PTPRD: variants seen among roughly 807,000 people sequenced by gnomAD.
PTPRD encodes protein tyrosine phosphatase receptor type D, also known as receptor-type tyrosine-protein phosphatase delta.
Under a neutral mutation model 214.5 loss-of-function variants are expected in PTPRD, and 34 were observed. That is an observed-to-expected ratio of 0.16 (90% CI 0.12 to 0.21). The LOEUF is 0.21. Among genes scored for constraint, PTPRD ranks in the 10% least tolerant of loss-of-function variants. The probability of loss-of-function intolerance (pLI) is 1.00; values close to 1 mark genes in which losing one functional copy is unlikely to be tolerated. For synonymous variants in PTPRD, 1,128 were observed against 845.7 expected (o/e 1.33, Z -5.79); for missense variants, 2,545 against 2,398.7 (o/e 1.06, Z -1.27).
chr9:9,449,417 TA>T (rs35932793), intron 8 of PTPRD, among the ~76,000 whole-genome samples: 129,380 of 151,610 alleles, frequency 0.85, 55,329 homozygotes, highest in Middle Eastern at 0.94. Flanking sequence ...GCTATATATA[TA>T]TTTTTAAGCT....
In PTPRD at chr9:9,358,545, A is replaced by G. The variant is rs73393062; in HGVS notation, c.-203+38904T>C. Among the ~76,000 whole-genome samples, 2 of 151,356 alleles carry G rather than the reference A, an allele frequency of 1.3e-5. 1 individual carries two copies. Among genetic ancestry groups the G allele is most frequent in the East Asian group, 3.9e-4 (2 of 5,126 alleles). On this transcript the variant is annotated intron_variant, in intron 9 of 45. Transcript: ENST00000381196. ...AAATGAATGTCATATTTTTGCCTTTACAGAGAATCAATTAAGTTGCAATCC... is the reference window on the plus strand; with the variant it reads ...AAATGAATGTCATATTTTTGCCTTTGCAGAGAATCAATTAAGTTGCAATCC...
At chr9:10,433,497 A>G (rs2154521334) in intron 2 of PTPRD, among the ~76,000 whole-genome samples, 2 of 152,060 alleles carry the variant, frequency 1.3e-5, no homozygotes, top group South Asian at 4.1e-4. Flanking sequence ...CATTTCAGTT[A>G]CGTATATTAC....
chr9:9,668,988 A>G lies in PTPRD; in HGVS notation c.-287+65545T>C, dbSNP rs540072862. Among the ~76,000 whole-genome samples the G allele has an allele frequency of 2.9e-3, 445 of 152,290 alleles. 2 individuals carry two copies. The highest frequency in any genetic ancestry group is 0.01 in the African/African-American group (420 of 41,568). ...TACTGTAGTGGGAAAAAAAAGTGAAACAGTAAATTAATAGCAGATTGTTTC... is the reference window on the plus strand; with the variant it reads ...TACTGTAGTGGGAAAAAAAAGTGAAGCAGTAAATTAATAGCAGATTGTTTC... On this transcript the variant is annotated intron_variant, in intron 7 of 45. Transcript: ENST00000381196.
At chr9:10,056,514 T>C (rs1452005200) in intron 3 of PTPRD, among the ~76,000 whole-genome samples, 1 of 152,140 alleles carries the variant, frequency 6.6e-6, no homozygotes, top group Non-Finnish European at 1.5e-5. Context: ...ACAAACATTT[T>C]ACTCTGTTCT....
At chr9:8,392,552 T>C (rs1360111548) in intron 36 of PTPRD, among the ~76,000 whole-genome samples, 5 of 152,092 alleles carry the variant, frequency 3.3e-5, no homozygotes, top group Non-Finnish European at 7.4e-5. Context: ...ATTAATATTC[T>C]GAAAAATACG....
chr9:8,384,281 T>G (rs901849085), intron 37 of PTPRD, among the ~76,000 whole-genome samples: 1 of 152,162 alleles, frequency 6.6e-6, no homozygotes, highest in African/African-American at 2.4e-5. Context: ...ATTCGTGTGC[T>G]TATTGGCATG....
At chr9:9,961,535 G>A (rs990314734) in intron 4 of PTPRD, among the ~76,000 whole-genome samples, 3 of 152,112 alleles carry the variant, frequency 2.0e-5, no homozygotes, top group Non-Finnish European at 4.4e-5. Context: ...AAATGGAGCT[G>A]GCTATATAGC....
At chr9:10,141,425 A>G (rs1235576000) in intron 3 of PTPRD, among the ~76,000 whole-genome samples, 8 of 152,062 alleles carry the variant, frequency 5.3e-5, no homozygotes, top group African/African-American at 1.4e-4. Context: ...AAATCAATGT[A>G]CAAAAATCAC....
At chr9:8,846,493 G>A (rs978656250) in intron 11 of PTPRD, among the ~76,000 whole-genome samples, 11 of 152,244 alleles carry the variant, frequency 7.2e-5, no homozygotes, top group Admixed American at 4.6e-4. Flanking sequence ...AATTTATTCG[G>A]TATTCTTTTA....
intron 11 of PTPRD, among the ~76,000 whole-genome samples, chr9:8,970,185 G>C (rs897721378): frequency 6.6e-6 from 1 of 151,940 alleles, no homozygotes; most frequent in African/African-American, 2.4e-5. Context: ...ATTTGAGCAT[G>C]AGTGTTCTTG....
chr9:8,317,706 G>T lies in PTPRD; in HGVS notation c.*168C>A. On this transcript the variant is annotated 3_prime_UTR_variant, in exon 46 of 46. Transcript: ENST00000381196. ...TTAGATTATTAAACTGTGAATTCTT[G>T]GTCCACCTGGAATAATTTGTTTTTA... 1.9e-6 allele frequency: 1 copy of T among 527,334 alleles called. No homozygotes were observed. The highest frequency in any genetic ancestry group is 3.5e-6 in the Non-Finnish European group (1 of 287,388). 32.7% of individuals were successfully genotyped at this position (527,334 alleles called of 1,614,324 possible). A position where few individuals can be genotyped will look rare whatever the true frequency, so the allele number is the denominator to read the frequency against.
intron 10 of PTPRD, among the ~76,000 whole-genome samples, chr9:9,142,227 T>C (rs1049131824): frequency 5.9e-5 from 9 of 152,128 alleles, no homozygotes; most frequent in Non-Finnish European, 1.2e-4. Context: ...AGCAAGCAGG[T>C]GTGCTGGCGC....
At chr9:8,410,675 A>G (rs928817545) in intron 35 of PTPRD, among the ~76,000 whole-genome samples, 3 of 152,322 alleles carry the variant, frequency 2.0e-5, no homozygotes, top group African/African-American at 4.8e-5. Context: ...GAAGTCATCA[A>G]AAAGTGTTTC....
At chr9:8,376,926 G>T (rs1468063486) in intron 37 of PTPRD, among the ~76,000 whole-genome samples, 200 bp from the exon 38 acceptor site, 1 of 152,068 alleles carries the variant, frequency 6.6e-6, no homozygotes, top group African/African-American at 2.4e-5. Context: ...AAACTGGTAG[G>T]AATACTAAAC....
At chr9:9,528,653 A>G (rs1449357856) in intron 8 of PTPRD, among the ~76,000 whole-genome samples, 1 of 152,124 alleles carries the variant, frequency 6.6e-6, no homozygotes, top group Non-Finnish European at 1.5e-5. Flanking sequence ...AAATCACTCC[A>G]AGAAGTATTG....
At position 10,094,001 on chromosome 9, in the gene PTPRD, G is replaced by A. The variant is rs144471016; in HGVS notation, c.-544-60211C>T. Among the ~76,000 whole-genome samples the A allele has an allele frequency of 4.3e-3, 652 of 151,202 alleles. 4 individuals carry two copies. The highest frequency in any genetic ancestry group is 0.015 in the African/African-American group (603 of 41,334). ...TATAGGGTACTATGCTCACTACCTG[G>A]GTGATAGGATCATCTGTACCCCAAA... On this transcript the variant is annotated intron_variant, in intron 3 of 45. Coordinates refer to ENST00000381196, the MANE Select transcript of PTPRD (RefSeq NM_002839.4).
intron 3 of PTPRD, among the ~76,000 whole-genome samples, chr9:10,206,624 A>C (rs1366728882): frequency 2.0e-5 from 3 of 152,198 alleles, no homozygotes; most frequent in Non-Finnish European, 4.4e-5. Context: ...ATTATATCTC[A>C]ACTAAGGTGG....
At chr9:8,857,925 AC>A (rs2097970711) in intron 11 of PTPRD, 1 of 37,616 alleles carries the variant, frequency 2.7e-5, no homozygotes, top group Non-Finnish European at 6.0e-5. Flanking sequence ...CCCTCCCTCC[AC>A]CCCTACCCCC....
intron 2 of PTPRD, among the ~76,000 whole-genome samples, chr9:10,483,773 C>A (rs1199330899): frequency 6.6e-6 from 1 of 152,038 alleles, no homozygotes; most frequent in African/African-American, 2.4e-5. Flanking sequence ...AGTCAAAAAA[C>A]AATAGATGTT....
Sources: gnomAD v4.1 joint callset for allele counts (sites outside exome capture counted in the v4.1 genomes callset) on GRCh38, gnomAD v4.1.1 for gene constraint, MANE v1.5 for transcripts, NCBI Gene and HGNC (gene_info 2026-07-23, HGNC 2026-07-21) for gene names.